Variants in MAP7D1 observed in about 807,000 individuals in gnomAD.
MAP7D1 encodes MAP7 domain-containing protein 1.
Under a neutral mutation model 97.5 loss-of-function variants are expected in MAP7D1, and 30 were observed. The observed-to-expected ratio is 0.31, with a 90% CI of 0.23 to 0.42. MAP7D1 has a LOEUF of 0.42. MAP7D1 is among the 10% of genes least tolerant of loss of function. The pLI is 1.00. For missense variants in MAP7D1, 1,184 were observed against 1,179.5 expected, an observed-to-expected ratio of 1.00 and a Z score of -0.06; for synonymous variants, 536 against 477.1, an observed-to-expected ratio of 1.12 and a Z score of -1.61.
chr1:36,175,110 T>G, intron 6 of MAP7D1, 102 bp downstream of exon 6: 1 of 692,286 alleles, frequency 1.4e-6, no homozygotes, highest in Non-Finnish European at 2.3e-6. Flanking sequence ...AGCCCTCACA[T>G]ACTCCAGGTC....
In MAP7D1 at chr1:36,176,855, G is replaced by A. The variant is rs763768430; in HGVS notation, c.1379+13G>A. The A allele has an allele frequency of 1.4e-5, 22 of 1,576,096 alleles. No individual in the cohort carries two copies. Among genetic ancestry groups the A allele is most frequent in the African/African-American group, 1.1e-4 (8 of 74,160 alleles). On this transcript the variant is annotated intron_variant, in intron 8 of 16. Coordinates refer to ENST00000474796, the MANE Select transcript of MAP7D1 (RefSeq NM_001388490.1). The surrounding 1 kb of genome is among the most constrained non-coding windows in gnomAD (Gnocchi z 6.1). Reference sequence around the variant, plus strand: ...CCTCTGAGCTCAGGTGGGCGCGGGCGGTGCGAGGGACCCTGCCCCTCACCG... The same window carrying A: ...CCTCTGAGCTCAGGTGGGCGCGGGCAGTGCGAGGGACCCTGCCCCTCACCG...
intron 3 of MAP7D1, chr1:36,171,783 A>G: frequency 4.6e-6 from 2 of 431,290 alleles, no homozygotes; most frequent in Middle Eastern, 7.3e-4. Flanking sequence ...AAATACAAAA[A>G]ATTAGCCAGG....
rs569899718 is a variant in MAP7D1, at chr1:36,179,428, GC to G, written c.2185-84del. 2,809 of 1,574,048 alleles carry G rather than the reference GC, an allele frequency of 1.8e-3. 10 individuals carry two copies. Among genetic ancestry groups the G allele is most frequent in the Non-Finnish European group, 2.0e-3 (2,278 of 1,155,672 alleles). ...CGAGGCTGTCAGGGAGGCCGCTGCG[GC>G]CCGGGCAAGGGGAGGGCCGAACTCA... is the stretch of plus-strand genomic sequence containing the variant. On this transcript the variant is annotated intron_variant, in intron 13 of 16. Transcript: ENST00000474796.
At chr1:36,170,465 C>G (rs892222169) in intron 1 of MAP7D1, among the ~76,000 whole-genome samples, 1 of 141,050 alleles carries the variant, frequency 7.1e-6, no homozygotes, top group African/African-American at 2.7e-5. Flanking sequence ...AGAAGTAAAG[C>G]AGAAAGGAGA....
chr1:36,156,379 C>CGCCGCT lies in MAP7D1; in HGVS notation c.-37_-32dup. 2.7e-6 allele frequency: 4 copies of CGCCGCT among 1,480,238 alleles called. No homozygotes were observed. The highest frequency in any genetic ancestry group is 1.3e-5 in the South Asian group (1 of 78,914). The allele number at this position is 1,480,238 out of a possible 1,614,324, so 91.7% of individuals were successfully genotyped here. On this transcript the variant is annotated 5_prime_UTR_variant, in exon 1 of 17. The change abolishes the stop of an existing upstream ORF in the 5' untranslated region. Transcript: ENST00000474796. ...CCTGGCCACTGGCCGCCGCCGCCGC[C>CGCCGCT]GCCGCTGAGACCCCGAGACCCCCAG...
chr1:36,162,677 G>A (rs972175042), intron 1 of MAP7D1, among the ~76,000 whole-genome samples: 1 of 152,126 alleles, frequency 6.6e-6, no homozygotes, highest in African/African-American at 2.4e-5. Context: ...AAATTAGTTT[G>A]GGCCTGGAAA....
Position 36,177,105 on chromosome 1 carries a change from C to T in MAP7D1, c.1379+263C>T, listed in dbSNP as rs552245756. On this transcript the variant is annotated intron_variant, in intron 8 of 16. Transcript: ENST00000474796. ...GGCTGGGGCTACAGGCGCGCCACCA[C>T]GCTCGGCTAATTTTTTGTATTTTTG... 3.9e-5 allele frequency among the ~76,000 whole-genome samples: 6 copies of T among 152,120 alleles called. No individual in the cohort carries two copies. In the South Asian group the frequency reaches 8.3e-4, roughly 21 times the overall value.
In MAP7D1 at chr1:36,180,453, T is replaced by A; in HGVS notation, c.*195T>A. Reference sequence around the variant, plus strand: ...GGAGCCAGATCTGCCCCTCAGTGCATTCGTGTGCTCGCACGCGCAGACATC... The same window carrying A: ...GGAGCCAGATCTGCCCCTCAGTGCAATCGTGTGCTCGCACGCGCAGACATC... On this transcript the variant is annotated 3_prime_UTR_variant, in exon 17 of 17. Coordinates refer to ENST00000474796, the MANE Select transcript of MAP7D1 (RefSeq NM_001388490.1). 1.4e-6 allele frequency: 1 copy of A among 710,676 alleles called. No individual in the cohort carries two copies. The allele number at this position is 710,676 out of a possible 1,614,324, so 44.0% of individuals were successfully genotyped here.
At chr1:36,164,136 T>G (rs1191018566) in intron 1 of MAP7D1, among the ~76,000 whole-genome samples, 1 of 152,196 alleles carries the variant, frequency 6.6e-6, no homozygotes, top group Non-Finnish European at 1.5e-5. Context: ...GATCTACTCT[T>G]TATTAGAGTA....
rs1644576904 is a variant in MAP7D1, at chr1:36,173,474, G to C, written c.735G>C (p.Lys245Asn). 1.9e-6 allele frequency: 3 copies of C among 1,608,096 alleles called. No individual in the cohort carries two copies. The highest frequency in any genetic ancestry group is 1.7e-6 in the Non-Finnish European group (2 of 1,177,152). Residue 245 changes from lysine (K) to asparagine (N), a missense_variant, in exon 5 of 17, where the codon AAG (lysine) becomes AAC (asparagine). Transcript: ENST00000474796. Reference protein sequence around the residue: ...GALHHSSPGHKTSGSRCSVSA... With the variant: ...GALHHSSPGHNTSGSRCSVSA... ...TGCACCACAGCTCTCCAGGACATAA[G>C]ACCAGTGAGTAGGCTGGAGGGGCTG...
chr1:36,177,775 G>A, intron 8 of MAP7D1, 98 bp from the exon 9 acceptor site: 1 of 1,481,388 alleles, frequency 6.8e-7, no homozygotes, highest in East Asian at 2.4e-5. Flanking sequence ...CGGCGCTGAT[G>A]TAGCCTGGGG....
intron 1 of MAP7D1, among the ~76,000 whole-genome samples, chr1:36,168,342 C>T (rs185515816): frequency 8.6e-5 from 13 of 151,498 alleles, no homozygotes; most frequent in African/African-American, 3.2e-4. Flanking sequence ...AGTTCTATGA[C>T]TCTGTGTGGA....
chr1:36,178,655 C>T (rs1230072560), intron 10 of MAP7D1, 30 bp from the exon 11 acceptor site: 4 of 1,531,370 alleles, frequency 2.6e-6, no homozygotes, highest in Non-Finnish European at 3.5e-6. Context: ...AAGCAGAGGC[C>T]GAGCCTGAGC....
intron 4 of MAP7D1, among the ~76,000 whole-genome samples, chr1:36,173,042 G>C (rs1644569273): frequency 6.6e-6 from 1 of 152,212 alleles, no homozygotes; most frequent in African/African-American, 2.4e-5. Flanking sequence ...ATAGCCCCAA[G>C]GTCAGGACCC....
In MAP7D1 at chr1:36,159,047, T is replaced by TTTA; in HGVS notation, c.46+2587_46+2589dup. Among the ~76,000 whole-genome samples the TTTA allele has an allele frequency of 6.6e-6, 1 of 151,108 alleles. No homozygotes were observed. Among genetic ancestry groups the TTTA allele is most frequent in the South Asian group, 2.1e-4 (1 of 4,782 alleles). ...GTGCTAGCCATTTGTTATTTATTTATTTATTTATTTATTTATTTATTTATT... is the reference window on the plus strand; with the variant it reads ...GTGCTAGCCATTTGTTATTTATTTATTTATTATTTATTTATTTATTTATTTATT... On this transcript the variant is annotated intron_variant, in intron 1 of 16. Coordinates refer to ENST00000474796, the MANE Select transcript of MAP7D1 (RefSeq NM_001388490.1). This position sits in a 1 kb window ranked among gnomAD's most constrained non-coding sequence, Gnocchi z 5.4.
chr1:36,180,085 T>C lies in MAP7D1; in HGVS notation c.2512+18T>C. ...GGTCACAGGTAGATCTCCTGATTCC[T>C]GGACCCAGCTCCATTCCTCCCAGCA... On this transcript the variant is annotated intron_variant, in intron 16 of 16. Coordinates refer to ENST00000474796, the MANE Select transcript of MAP7D1 (RefSeq NM_001388490.1). 1.9e-6 allele frequency: 3 copies of C among 1,612,686 alleles called. No homozygotes were observed. The highest frequency in any genetic ancestry group is 2.5e-6 in the Non-Finnish European group (3 of 1,179,086).
In MAP7D1 at chr1:36,177,948, G is replaced by A. The variant is rs773928691; in HGVS notation, c.1455G>A (p.Gly485=). The part of the protein sequence containing the change: ...HRPASPCPSP[G]PGHTLPPKPP... ...CTGCCTCCCCCTGCCCCAGCCCAGG[G>A]CCAGGCCACACTCTGCCTCCAAAGC... is the stretch of plus-strand genomic sequence containing the variant. Residue 485 remains glycine, a synonymous_variant, in exon 9 of 17, where the codon GGG becomes GGA. Transcript: ENST00000474796. 1.3e-6 allele frequency: 2 copies of A among 1,593,544 alleles called. No individual in the cohort carries two copies. The highest frequency in any genetic ancestry group is 1.7e-6 in the Non-Finnish European group (2 of 1,167,588).
chr1:36,178,873 A>G, intron 11 of MAP7D1, 48 bp from the exon 12 acceptor site: 1 of 1,547,916 alleles, frequency 6.5e-7, no homozygotes, highest in Non-Finnish European at 8.7e-7. Context: ...GCGGGCCGGG[A>G]GGGAAGGCTG....
chr1:36,180,411 CTG>C lies in MAP7D1; in HGVS notation c.*154_*155del. The C allele has an allele frequency of 9.8e-7, 1 of 1,022,870 alleles. No homozygotes were observed. The highest frequency in any genetic ancestry group is 1.5e-6 in the Non-Finnish European group (1 of 659,430). The allele number at this position is 1,022,870 out of a possible 1,614,324, so 63.4% of individuals were successfully genotyped here. On this transcript the variant is annotated 3_prime_UTR_variant, in exon 17 of 17. Transcript: ENST00000474796. ...TTGTTTTTAATCTGCACCTTATAGA[CTG>C]ATGTCTCTTTGGCCGGAGCCAGATC...
Sources: gnomAD v4.1 joint callset for allele counts (sites outside exome capture counted in the v4.1 genomes callset) on GRCh38, gnomAD v4.1.1 for gene constraint, Gnocchi (gnomAD v3.1) non-coding constraint, MANE v1.5 for transcripts, NCBI Gene and HGNC (gene_info 2026-07-23, HGNC 2026-07-21) for gene names.